Variants in ANO3 observed in about 807,000 individuals in gnomAD.
ANO3 encodes anoctamin-3.
A neutral mutation model predicts 144.8 loss-of-function variants in ANO3; 99 were observed. The observed-to-expected ratio is 0.68, with a 90% CI of 0.58 to 0.81. The LOEUF is 0.81. ANO3 is among the 30% of genes least tolerant of loss of function. The probability of loss-of-function intolerance (pLI) is 0.00; values close to 1 mark genes in which losing one functional copy is unlikely to be tolerated. For missense variants in ANO3, 905 were observed against 1,202.2 expected, an observed-to-expected ratio of 0.75 and a Z score of 3.66; for synonymous variants, 414 against 392.6, an observed-to-expected ratio of 1.05 and a Z score of -0.64.
chr11:26,652,035 C>T (rs1483527009), intron 24 of ANO3, among the ~76,000 whole-genome samples: 1 of 152,144 alleles, frequency 6.6e-6, no homozygotes, highest in Non-Finnish European at 1.5e-5. Context: ...GTAACCACTT[C>T]CTTGGATACG....
chr11:26,554,988 A>T (rs565972535), intron 13 of ANO3, among the ~76,000 whole-genome samples: 1 of 152,258 alleles, frequency 6.6e-6, no homozygotes, highest in South Asian at 2.1e-4. Context: ...GGAGGTCTCC[A>T]TACAATTAAT....
At chr11:26,563,468 TA>T (rs1850386045) in intron 14 of ANO3, among the ~76,000 whole-genome samples, 1 of 151,390 alleles carries the variant, frequency 6.6e-6, no homozygotes, top group African/African-American at 2.4e-5. Flanking sequence ...TGGGCAAACG[TA>T]TTTGTTGATA....
chr11:26,601,858 C>G (rs1430280387), intron 17 of ANO3, among the ~76,000 whole-genome samples: 1 of 152,106 alleles, frequency 6.6e-6, no homozygotes, highest in African/African-American at 2.4e-5. Context: ...TAAATTGACT[C>G]ATTTCTTATC....
intron 4 of ANO3, among the ~76,000 whole-genome samples, chr11:26,481,505 T>C (rs1448125991): frequency 1.3e-5 from 2 of 152,222 alleles, no homozygotes; most frequent in Admixed American, 6.5e-5. Context: ...AGTTCATATA[T>C]GCTATATGTT....
chr11:26,449,344 T>A (rs1016130419), intron 3 of ANO3, among the ~76,000 whole-genome samples: 2 of 152,178 alleles, frequency 1.3e-5, no homozygotes, highest in Non-Finnish European at 2.9e-5. Context: ...AAACTGTCAA[T>A]CTTGCTGCCA....
intron 3 of ANO3, among the ~76,000 whole-genome samples, chr11:26,462,582 A>G (rs965307071): frequency 2.6e-5 from 4 of 151,764 alleles, no homozygotes; most frequent in African/African-American, 9.7e-5. Flanking sequence ...ACTATTTCTC[A>G]GACTTTTTGC....
intron 13 of ANO3, among the ~76,000 whole-genome samples, 183 bp downstream of exon 13, chr11:26,553,528 T>TTGAA (rs1441990802): frequency 6.6e-6 from 1 of 152,178 alleles, no homozygotes; most frequent in African/African-American, 2.4e-5. Flanking sequence ...ATACTTTTAT[T>TTGAA]TGAACATTTT....
intron 1 of ANO3, among the ~76,000 whole-genome samples, chr11:26,325,468 T>G (rs149036818): frequency 2.0e-5 from 3 of 152,190 alleles, no homozygotes; most frequent in African/African-American, 4.8e-5. Context: ...TTCAGTGATA[T>G]TAAATATGGA....
At chr11:26,648,050 G>T (rs1291583124) in intron 24 of ANO3, among the ~76,000 whole-genome samples, 194 bp downstream of exon 24, 2 of 152,018 alleles carry the variant, frequency 1.3e-5, no homozygotes, top group African/African-American at 4.8e-5. Context: ...CTTAGAGTCC[G>T]TCTACTGTTT....
Position 26,229,630 on chromosome 11 carries a change from A to T in ANO3, c.154+40300A>T, listed in dbSNP as rs563403141. Reference sequence around the variant, plus strand: ...TACTGTTATTTTTATATGCTAATCAACTCTTGCCTTTTTTTCTTTACTTTA... The same window carrying T: ...TACTGTTATTTTTATATGCTAATCATCTCTTGCCTTTTTTTCTTTACTTTA... On this transcript the variant is annotated intron_variant, in intron 1 of 27. Transcript: ENST00000672621. Among the ~76,000 whole-genome samples the T allele has an allele frequency of 1.5e-3, 233 of 152,096 alleles. 1 individual carries two copies. Among genetic ancestry groups the T allele is most frequent in the South Asian group, 2.9e-3 (14 of 4,806 alleles).
intron 1 of ANO3, among the ~76,000 whole-genome samples, chr11:26,229,553 C>A (rs1188440132): frequency 2.0e-5 from 3 of 152,092 alleles, no homozygotes; most frequent in East Asian, 1.9e-4. Flanking sequence ...GGGAAGGCAA[C>A]CCCCTTTCAT....
At chr11:26,452,426 G>A (rs1443236086) in intron 3 of ANO3, among the ~76,000 whole-genome samples, 1 of 152,220 alleles carries the variant, frequency 6.6e-6, no homozygotes, top group African/African-American at 2.4e-5. Flanking sequence ...AGAACTACGT[G>A]AAGAATGCAG....
intron 18 of ANO3, among the ~76,000 whole-genome samples, chr11:26,625,155 G>A (rs1852541411): frequency 6.6e-6 from 1 of 152,162 alleles, no homozygotes; most frequent in Admixed American, 6.5e-5. Context: ...TCAATTTCCT[G>A]ACCTCGTGAT....
In ANO3 at chr11:26,641,935, G is replaced by A. The variant is rs1853167203; in HGVS notation, c.2181G>A (p.Arg727=). 1 of 1,613,908 alleles carries A rather than the reference G, an allele frequency of 6.2e-7. No homozygotes were observed. The highest frequency in any genetic ancestry group is 8.5e-7 in the Non-Finnish European group (1 of 1,179,944). The change falls in exon 22 of 27, where the codon CGG becomes CGA. Residue 727 remains arginine (R), a synonymous_variant. Transcript: ENST00000256737. ...QNWWSRHKIK[R]GIHDASIPQW... ...GGTGGTCACGACATAAAATCAAGCGGGGAATACATGATGCTTCCATACCTC... is the reference window on the plus strand; with the variant it reads ...GGTGGTCACGACATAAAATCAAGCGAGGAATACATGATGCTTCCATACCTC...
chr11:26,458,687 TA>T (rs1365253742), intron 3 of ANO3, among the ~76,000 whole-genome samples: 2 of 152,166 alleles, frequency 1.3e-5, no homozygotes, highest in Non-Finnish European at 2.9e-5. Context: ...ATTCATTTAT[TA>T]GTTAATTTAA....
chr11:26,254,517 A>C (rs1177744753), intron 1 of ANO3, among the ~76,000 whole-genome samples: 1 of 152,128 alleles, frequency 6.6e-6, no homozygotes, highest in Non-Finnish European at 1.5e-5. Context: ...ATGGAGAAAA[A>C]TGCATTTGTT....
At chr11:26,366,990 A>G (rs534939530) in intron 1 of ANO3, among the ~76,000 whole-genome samples, 1 of 152,178 alleles carries the variant, frequency 6.6e-6, no homozygotes, top group African/African-American at 2.4e-5. Context: ...AAACCTGACA[A>G]AAACAAGAAA....
At chr11:26,282,833 C>T (rs534523213) in intron 1 of ANO3, among the ~76,000 whole-genome samples, 46 of 151,902 alleles carry the variant, frequency 3.0e-4, no homozygotes, top group Admixed American at 2.5e-3. Flanking sequence ...AAGTGAATGA[C>T]GAAATAAAAG....
intron 1 of ANO3, among the ~76,000 whole-genome samples, chr11:26,196,439 G>T (rs1391243886): frequency 1.3e-5 from 2 of 151,986 alleles, no homozygotes; most frequent in East Asian, 3.9e-4. Context: ...TGAAATTTCA[G>T]ATTTCATGCT....
Sources: allele counts gnomAD v4.1 joint callset (sites outside exome capture counted in the v4.1 genomes callset), GRCh38; gene constraint gnomAD v4.1.1; transcripts MANE v1.5; gene names NCBI Gene and HGNC (gene_info 2026-07-23, HGNC 2026-07-21).